PDZRN3: variants seen among roughly 807,000 people sequenced by gnomAD.
The protein encoded by PDZRN3 is E3 ubiquitin-protein ligase PDZRN3.
A neutral mutation model predicts 85.7 loss-of-function variants in PDZRN3; 38 were observed. The ratio of observed to expected loss-of-function variants is 0.44; its 90% CI spans 0.34 to 0.58. The LOEUF is 0.58. PDZRN3 is among the 20% of genes least tolerant of loss of function. The probability of loss-of-function intolerance (pLI) is 0.01; values close to 1 mark genes in which losing one functional copy is unlikely to be tolerated. For missense variants in PDZRN3, 1,629 were observed against 1,506.4 expected, an observed-to-expected ratio of 1.08 and a Z score of -1.35; for synonymous variants, 759 against 638.0, an observed-to-expected ratio of 1.19 and a Z score of -2.86.
At chr3:73,596,545 C>T (rs1288319951) in intron 3 of PDZRN3, among the ~76,000 whole-genome samples, 1 of 152,238 alleles carries the variant, frequency 6.6e-6, no homozygotes, top group Non-Finnish European at 1.5e-5. Flanking sequence ...GGGACAACTT[C>T]ACCTCATGTG....
chr3:73,430,316 G>C (rs1288011733), intron 3 of PDZRN3, among the ~76,000 whole-genome samples: 1 of 152,176 alleles, frequency 6.6e-6, no homozygotes, highest in Admixed American at 6.5e-5. Flanking sequence ...CTATAGATAA[G>C]TTTTCCTTAT....
chr3:73,537,588 A>C (rs1190113235), intron 3 of PDZRN3, among the ~76,000 whole-genome samples: 1 of 150,880 alleles, frequency 6.6e-6, no homozygotes, highest in Non-Finnish European at 1.5e-5. Flanking sequence ...ATGAAAGGCC[A>C]ATAAGACCTG....
chr3:73,505,597 G>A (rs781101882), intron 3 of PDZRN3, among the ~76,000 whole-genome samples: 4 of 152,070 alleles, frequency 2.6e-5, no homozygotes, highest in South Asian at 2.1e-4. Context: ...TCAAGCCTTC[G>A]AAGCTTGGAA....
chr3:73,413,311 A>G (rs1353518020), intron 3 of PDZRN3, among the ~76,000 whole-genome samples: 1 of 152,042 alleles, frequency 6.6e-6, no homozygotes, highest in Non-Finnish European at 1.5e-5. Context: ...TAAAAACCAT[A>G]CTCCAAATAA....
chr3:73,448,037 G>A (rs1200253181), intron 3 of PDZRN3, among the ~76,000 whole-genome samples: 1 of 152,100 alleles, frequency 6.6e-6, no homozygotes, highest in African/African-American at 2.4e-5. Context: ...CCTCTCTTCT[G>A]TCTCCATATA....
At chr3:73,607,646 C>T (rs1472462465) in intron 2 of PDZRN3, among the ~76,000 whole-genome samples, 1 of 152,134 alleles carries the variant, frequency 6.6e-6, no homozygotes, top group Non-Finnish European at 1.5e-5. Context: ...GCTAATGATA[C>T]CCTTTGCTTC....
At chr3:73,606,427 T>A (rs555063533) in intron 2 of PDZRN3, among the ~76,000 whole-genome samples, 3 of 152,272 alleles carry the variant, frequency 2.0e-5, no homozygotes, top group South Asian at 4.1e-4. Context: ...GATATTTGAG[T>A]GCAGTTTGCT....
chr3:73,502,585 A>G (rs868026440), intron 3 of PDZRN3, among the ~76,000 whole-genome samples: 3 of 152,194 alleles, frequency 2.0e-5, no homozygotes, highest in African/African-American at 7.2e-5. Flanking sequence ...CTTACCCATA[A>G]GGCTGCGTGG....
In PDZRN3 at chr3:73,554,575, A is replaced by G. The variant is rs377102631; in HGVS notation, c.918+47779T>C. Among the ~76,000 whole-genome samples, 6 of 152,354 alleles carry G rather than the reference A, an allele frequency of 3.9e-5. No homozygotes were observed. The South Asian group carries it at 1.2e-3, about 32-fold the overall frequency. On this transcript the variant is annotated intron_variant, in intron 3 of 9. Transcript: ENST00000263666. The stretch of plus-strand genomic sequence containing the variant: ...TTCAAAGGGAAATGGCCAAGGAAAT[A>G]AATATCTATACCATGGACTGTCACA...
intron 7 of PDZRN3, 21 bp from the exon 8 acceptor site, chr3:73,388,090 G>T (rs1248003648): frequency 1.5e-5 from 14 of 958,940 alleles, no homozygotes; most frequent in Non-Finnish European, 2.1e-5. Context: ...AAAAGGGGGG[G>T]TGGGGAGAGT....
chr3:73,554,475 C>T (rs1364588083), intron 3 of PDZRN3, among the ~76,000 whole-genome samples: 1 of 152,030 alleles, frequency 6.6e-6, no homozygotes. Context: ...TCATCATCAT[C>T]ATCACTCTTC....
intron 3 of PDZRN3, among the ~76,000 whole-genome samples, chr3:73,426,885 C>A (rs1702326457): frequency 6.6e-6 from 1 of 152,162 alleles, no homozygotes; most frequent in African/African-American, 2.4e-5. Context: ...TTAAAAGAAA[C>A]TTCCAGAGAC....
chr3:73,538,161 A>G (rs754637054), intron 3 of PDZRN3, among the ~76,000 whole-genome samples: 2 of 152,232 alleles, frequency 1.3e-5, no homozygotes, highest in Non-Finnish European at 2.9e-5. Flanking sequence ...AGGACACCCA[A>G]TGATACATTC....
intron 3 of PDZRN3, among the ~76,000 whole-genome samples, chr3:73,561,071 C>G (rs1701805436): frequency 6.6e-6 from 1 of 152,120 alleles, no homozygotes; most frequent in Admixed American, 6.5e-5. Context: ...TAAAGAGATC[C>G]CGACAATAAA....
intron 3 of PDZRN3, among the ~76,000 whole-genome samples, chr3:73,596,847 A>G (rs759803569): frequency 5.3e-5 from 8 of 152,252 alleles, no homozygotes; most frequent in Non-Finnish European, 8.8e-5. Context: ...ATCAGAATAA[A>G]TTCTGAAGAT....
intron 3 of PDZRN3, among the ~76,000 whole-genome samples, chr3:73,562,383 C>G (rs1701837264): frequency 3.3e-5 from 5 of 152,214 alleles, no homozygotes; most frequent in South Asian, 4.1e-4. Context: ...AGGAAACTGA[C>G]CTGAGAAACC....
At chr3:73,392,256 G>A (rs1257090339) in intron 5 of PDZRN3, among the ~76,000 whole-genome samples, 1 of 152,248 alleles carries the variant, frequency 6.6e-6, no homozygotes, top group Non-Finnish European at 1.5e-5. Flanking sequence ...AGGGTGGCCA[G>A]GTGGCAGAGC....
At chr3:73,473,155 A>G (rs1241731776) in intron 3 of PDZRN3, among the ~76,000 whole-genome samples, 1 of 152,236 alleles carries the variant, frequency 6.6e-6, no homozygotes, top group African/African-American at 2.4e-5. Context: ...CTCTGTGTAT[A>G]TATTCTACAA....
chr3:73,516,341 A>G (rs1379800042), intron 3 of PDZRN3, among the ~76,000 whole-genome samples: 1 of 152,232 alleles, frequency 6.6e-6, no homozygotes, highest in East Asian at 1.9e-4. Flanking sequence ...TCTCACCAAC[A>G]GTTTATGAGT....
Sources: gnomAD v4.1 joint callset for allele counts (sites outside exome capture counted in the v4.1 genomes callset) on GRCh38, gnomAD v4.1.1 for gene constraint, MANE v1.5 for transcripts, NCBI Gene and HGNC (gene_info 2026-07-23, HGNC 2026-07-21) for gene names.